Variants in CELF5 observed in about 807,000 individuals in gnomAD.
CELF5 encodes the protein CUG-BP and ETR-3 like factor 5.
A neutral mutation model predicts 54.9 loss-of-function variants in CELF5; 6 were observed. The observed-to-expected ratio is 0.11, with a 90% confidence interval of 0.06 to 0.22. The LOEUF (loss-of-function observed/expected upper bound fraction) is 0.22, where lower values mean the gene tolerates loss of function less well. Among genes scored for constraint, CELF5 ranks in the 10% least tolerant of loss-of-function variants. The pLI, the probability that CELF5 is intolerant of heterozygous loss-of-function variation, is 1.00. For synonymous variants in CELF5, 271 were observed against 290.9 expected (o/e 0.93, Z 0.70); for missense variants, 401 against 678.6 (o/e 0.59, Z 4.54).
intron 2 of CELF5, among the ~76,000 whole-genome samples, chr19:3,262,104 G>C (rs2079814030): frequency 6.6e-6 from 1 of 151,900 alleles, no homozygotes; most frequent in Non-Finnish European, 1.5e-5. Flanking sequence ...GCGTGATCTC[G>C]GCTCACTGCA....
chr19:3,276,447 A>C (rs2080054642), intron 4 of CELF5, among the ~76,000 whole-genome samples: 1 of 146,558 alleles, frequency 6.8e-6, no homozygotes, highest in Non-Finnish European at 1.5e-5. Context: ...GGAGGGGTGA[A>C]ATACGTAGAG....
intron 2 of CELF5, among the ~76,000 whole-genome samples, chr19:3,265,356 T>C (rs182336578): frequency 5.6e-4 from 85 of 152,184 alleles, no homozygotes; most frequent in African/African-American, 1.9e-3. Flanking sequence ...AATTCAAGGG[T>C]GAGCTGGTGA....
chr19:3,250,873 A>G, intron 1 of CELF5, 112 bp from the exon 2 acceptor site: 3 of 494,340 alleles, frequency 6.1e-6, no homozygotes, highest in South Asian at 7.8e-5. Flanking sequence ...AGATCTATGC[A>G]TCTGTGGATG....
In CELF5 at chr19:3,275,939, A is replaced by G; in HGVS notation, c.478A>G (p.Ile160Val). The G allele has an allele frequency of 6.4e-7, 1 of 1,562,546 alleles. No homozygotes were observed. The highest frequency in any genetic ancestry group is 8.7e-7 in the Non-Finnish European group (1 of 1,148,820). ...VLRLFQPFGV[I>V]DECTVLRGPD... is the part of the protein sequence containing the mutation. Reference sequence around the variant, plus strand: ...GCGGCTGTTCCAGCCCTTCGGGGTCATTGACGAGTGCACCGTGCTCCGGGG... The same window carrying G: ...GCGGCTGTTCCAGCCCTTCGGGGTCGTTGACGAGTGCACCGTGCTCCGGGG... The change falls in exon 4 of 13, where the codon ATT becomes GTT. Residue 160 changes from isoleucine to valine, a missense_variant. Ile to Val is a conservative substitution (Grantham distance 29). Around this residue, in one of 6 missense-constraint regions of CELF5, gnomAD observed 87 missense variants for 190.2 expected, o/e 0.46. Coordinates refer to ENST00000292672, the MANE Select transcript of CELF5 (RefSeq NM_021938.4). The surrounding 1 kb of genome is among the most constrained non-coding windows in gnomAD (Gnocchi z 6.7).
chr19:3,285,080 T>A, intron 9 of CELF5, 116 bp downstream of exon 9: 2 of 774,900 alleles, frequency 2.6e-6, no homozygotes, highest in Middle Eastern at 3.8e-4. Flanking sequence ...GCCTCCTACC[T>A]CTGGCCCCGC....
At chr19:3,279,045 C>T (rs2080105280) in intron 5 of CELF5, among the ~76,000 whole-genome samples, 1 of 152,078 alleles carries the variant, frequency 6.6e-6, no homozygotes, top group South Asian at 2.1e-4. Context: ...GCAAATATCC[C>T]TTTGGGGCTA....
intron 12 of CELF5, 173 bp from the exon 13 acceptor site, chr19:3,296,585 G>C (rs1485851630): frequency 6.6e-6 from 1 of 151,846 alleles, no homozygotes; most frequent in African/African-American, 2.4e-5. Context: ...GTGTGTCCCC[G>C]TGTGCAAGCG....
intron 2 of CELF5, among the ~76,000 whole-genome samples, chr19:3,253,113 G>A (rs200794882): frequency 6.7e-6 from 1 of 149,246 alleles, no homozygotes; most frequent in Non-Finnish European, 1.5e-5. Context: ...AAAAAAAAAA[G>A]AAAGAAAGAA....
At chr19:3,252,253 C>T (rs565172972) in intron 2 of CELF5, among the ~76,000 whole-genome samples, 46 of 151,124 alleles carry the variant, frequency 3.0e-4, no homozygotes, top group Admixed American at 1.8e-3. Context: ...CCGGGCTGAT[C>T]CTGAACTCCT....
At chr19:3,274,772 G>A (rs312927) in intron 3 of CELF5, among the ~76,000 whole-genome samples, 19,835 of 152,070 alleles carry the variant, frequency 0.13, 1,447 homozygotes, top group South Asian at 0.19. Flanking sequence ...GGATACCTAG[G>A]TATATGTAGG....
intron 1 of CELF5, among the ~76,000 whole-genome samples, chr19:3,241,030 G>T (rs1300669759): frequency 6.6e-6 from 1 of 151,488 alleles, no homozygotes; most frequent in Non-Finnish European, 1.5e-5. Flanking sequence ...AGAGATTTGT[G>T]TGCAGTGCAT....
chr19:3,257,517 C>A (rs2079745135), intron 2 of CELF5, among the ~76,000 whole-genome samples: 1 of 151,870 alleles, frequency 6.6e-6, no homozygotes, highest in African/African-American at 2.4e-5. Flanking sequence ...CTCTTGTTGC[C>A]CAGGCTGGAG....
At chr19:3,252,628 G>A (rs2079667199) in intron 2 of CELF5, among the ~76,000 whole-genome samples, 1 of 152,110 alleles carries the variant, frequency 6.6e-6, no homozygotes, top group Non-Finnish European at 1.5e-5. Flanking sequence ...GCCTTCCAGG[G>A]ACCCGAGGTC....
intron 1 of CELF5, among the ~76,000 whole-genome samples, chr19:3,245,589 C>G (rs543073450): frequency 6.7e-6 from 1 of 149,638 alleles, no homozygotes; most frequent in African/African-American, 2.5e-5. Flanking sequence ...AAAAAAGGAA[C>G]CTAGGAAGAA....
intron 2 of CELF5, among the ~76,000 whole-genome samples, chr19:3,262,422 C>A (rs956318636): frequency 1.3e-5 from 2 of 152,276 alleles, no homozygotes; most frequent in African/African-American, 4.8e-5. Flanking sequence ...TCGGACAGTG[C>A]AATCCAGCAT....
chr19:3,273,928 T>C lies in CELF5; in HGVS notation c.394+5T>C, dbSNP rs759739113. On this transcript the variant is annotated splice_donor_5th_base_variant and intron_variant, in intron 3 of 12. Transcript: ENST00000292672. ...ACAGTGAAAGCCGCGGAGGTAGTTG[T>C]CATCTCTCCGTGGCTGCCAGGCTGG... is the stretch of plus-strand genomic sequence containing the variant. 8 of 1,612,952 alleles carry C rather than the reference T, an allele frequency of 5.0e-6. No individual in the cohort carries two copies. The highest frequency in any genetic ancestry group is 6.8e-6 in the Non-Finnish European group (8 of 1,179,108).
intron 8 of CELF5, among the ~76,000 whole-genome samples, chr19:3,284,461 G>C (rs769162407): frequency 6.6e-6 from 1 of 152,140 alleles, no homozygotes; most frequent in Non-Finnish European, 1.5e-5. Flanking sequence ...TAGCAGGAAG[G>C]CTACAGCTAG....
At chr19:3,286,439 A>C (rs932074878) in intron 10 of CELF5, 5 of 187,996 alleles carry the variant, frequency 2.7e-5, no homozygotes, top group Non-Finnish European at 5.4e-5. Flanking sequence ...TCAGGGTTCA[A>C]ATCCATACAG....
At chr19:3,277,963 C>T (rs963673402) in intron 4 of CELF5, 68 bp from the exon 5 acceptor site, 9 of 1,257,610 alleles carry the variant, frequency 7.2e-6, no homozygotes, top group South Asian at 6.2e-5. Flanking sequence ...GTCCCCTCTC[C>T]TGTGGCCCCC....
Sources: gnomAD v4.1 joint callset for allele counts (sites outside exome capture counted in the v4.1 genomes callset) on GRCh38, gnomAD v4.1.1 for gene constraint, gnomAD v4.1.1 regional missense constraint, Gnocchi (gnomAD v3.1) non-coding constraint, MANE v1.5 for transcripts, NCBI Gene and HGNC (gene_info 2026-07-23, HGNC 2026-07-21) for gene names.